ADCY5: variants seen among roughly 807,000 people sequenced by gnomAD.
ADCY5 encodes the protein adenylate cyclase 5.
A neutral mutation model predicts 119.7 loss-of-function variants in ADCY5; 30 were observed. That is an observed-to-expected ratio of 0.25 (90% CI 0.19 to 0.34). The LOEUF (loss-of-function observed/expected upper bound fraction) is 0.34. Among genes scored for constraint, ADCY5 ranks in the 10% least tolerant of loss-of-function variants. ADCY5 has a pLI of 1.00. For synonymous variants in ADCY5, 753 were observed against 762.2 expected, an observed-to-expected ratio of 0.99 and a Z score of 0.20; for missense variants, 1,324 against 1,775.2, an observed-to-expected ratio of 0.75 and a Z score of 4.57.
chr3:123,367,583 A>G (rs932496943), intron 1 of ADCY5, among the ~76,000 whole-genome samples: 3 of 152,052 alleles, frequency 2.0e-5, no homozygotes, highest in Non-Finnish European at 4.4e-5. Context: ...GCAAACCTTC[A>G]TTGTTTCCTG....
chr3:123,357,791 T>C (rs573023510), intron 1 of ADCY5, among the ~76,000 whole-genome samples: 3 of 152,332 alleles, frequency 2.0e-5, no homozygotes, highest in Admixed American at 2.0e-4. Flanking sequence ...CCTGTGCAGA[T>C]GCTCCGCTTA....
intron 17 of ADCY5, among the ~76,000 whole-genome samples, chr3:123,292,176 T>C (rs1395402869): frequency 6.6e-6 from 1 of 152,222 alleles, no homozygotes; most frequent in Non-Finnish European, 1.5e-5. Flanking sequence ...GAGAAAAATC[T>C]GGCTGGCCCA....
intron 1 of ADCY5, among the ~76,000 whole-genome samples, chr3:123,358,155 C>CGTGTGTGTGTGTGTGTGTGTGTGT (rs6148049): frequency 2.8e-4 from 40 of 140,860 alleles, no homozygotes; most frequent in Non-Finnish European, 4.4e-4. Context: ...ACATGGAACA[C>CGTGTGTGTGTGTGTGTGTGTGTGT]GTGTGTGTGT....
chr3:123,431,215 G>A (rs190498721), intron 1 of ADCY5, among the ~76,000 whole-genome samples: 131 of 152,214 alleles, frequency 8.6e-4, no homozygotes, highest in African/African-American at 2.7e-3. Flanking sequence ...AGTTTACAGC[G>A]GAGTCAAAGA....
At chr3:123,367,376 C>T (rs745423690) in intron 1 of ADCY5, among the ~76,000 whole-genome samples, 1 of 152,206 alleles carries the variant, frequency 6.6e-6, no homozygotes, top group Non-Finnish European at 1.5e-5. Context: ...AACTGCTTCT[C>T]CTGCAGTTCT....
At chr3:123,292,829 A>C (rs1038930328) in intron 17 of ADCY5, among the ~76,000 whole-genome samples, 2 of 152,164 alleles carry the variant, frequency 1.3e-5, no homozygotes, top group Non-Finnish European at 2.9e-5. Flanking sequence ...TCCTGCTCCT[A>C]CCTCTGCTGA....
rs1559882942 is a variant in ADCY5 at position 123,447,937 on chromosome 3, C to CAGCACCGCGCCG, written c.597_608dup (p.Gly200_Leu203dup). Reference sequence around the variant, plus strand: ...ACGCCAGGCAGCAGGCGCCCAGGGACAGCACCGCGCCGGGCCCCGCGCCCG... The same window carrying CAGCACCGCGCCG: ...ACGCCAGGCAGCAGGCGCCCAGGGACAGCACCGCGCCGAGCACCGCGCCGGGCCCCGCGCCCG... On this transcript the variant is annotated inframe_insertion, in exon 1 of 21. Coordinates refer to ENST00000462833, the MANE Select transcript of ADCY5 (RefSeq NM_183357.3). The CAGCACCGCGCCG allele has an allele frequency of 2.5e-6, 4 of 1,578,348 alleles. No individual in the cohort carries two copies. Among genetic ancestry groups the CAGCACCGCGCCG allele is most frequent in the Non-Finnish European group, 1.7e-6 (2 of 1,160,828 alleles).
At chr3:123,317,507 G>A (rs1035507977) in intron 11 of ADCY5, among the ~76,000 whole-genome samples, 10 of 152,060 alleles carry the variant, frequency 6.6e-5, no homozygotes, top group African/African-American at 2.4e-4. Context: ...GGCCAAGGCG[G>A]GTGGATTGCC....
intron 3 of ADCY5, among the ~76,000 whole-genome samples, chr3:123,336,639 C>G (rs1343695023): frequency 6.6e-6 from 1 of 152,118 alleles, no homozygotes; most frequent in Non-Finnish European, 1.5e-5. Flanking sequence ...GAGGGTGGGG[C>G]GCCCCAGACA....
At chr3:123,419,579 C>G (rs1945258181) in intron 1 of ADCY5, among the ~76,000 whole-genome samples, 1 of 152,164 alleles carries the variant, frequency 6.6e-6, no homozygotes, top group South Asian at 2.1e-4. Flanking sequence ...CATGTGAGGG[C>G]AACCATGATG....
At position 123,407,449 on chromosome 3, in the gene ADCY5, C is replaced by A. The variant is rs544394378; in HGVS notation, c.1134+39963G>T. ...TGATTCATACTACAATGTGGATGAA[C>A]CTGAAAAATATTTTGCAAATGCCAG... On this transcript the variant is annotated intron_variant, in intron 1 of 20. Coordinates refer to ENST00000462833, the MANE Select transcript of ADCY5 (RefSeq NM_183357.3). 9.9e-5 allele frequency among the ~76,000 whole-genome samples: 15 copies of A among 152,000 alleles called. No individual in the cohort carries two copies. In the South Asian group the frequency reaches 3.1e-3, roughly 32 times the overall value.
intron 1 of ADCY5, among the ~76,000 whole-genome samples, chr3:123,355,581 G>A (rs1002004524): frequency 6.6e-6 from 1 of 151,906 alleles, no homozygotes; most frequent in Admixed American, 6.6e-5. Context: ...TGAATACAGA[G>A]GGCTGAGTGC....
chr3:123,410,650 C>CT lies in ADCY5; in HGVS notation c.1134+36761dup, dbSNP rs1037059371. Among the ~76,000 whole-genome samples, 100 of 149,498 alleles carry CT rather than the reference C, an allele frequency of 6.7e-4. 1 individual carries two copies. In the East Asian group the frequency reaches 9.0e-3, roughly 13 times the overall value. ...TAGATTAATCACCATCACATCCATT[C>CT]TTTTTTTTTTGGAGGTAGAATCTCA... is the stretch of plus-strand genomic sequence containing the variant. On this transcript the variant is annotated intron_variant, in intron 1 of 20. Transcript: ENST00000462833.
At chr3:123,379,661 T>C (rs187586508) in intron 1 of ADCY5, among the ~76,000 whole-genome samples, 1 of 150,476 alleles carries the variant, frequency 6.6e-6, no homozygotes, top group Non-Finnish European at 1.5e-5. Flanking sequence ...AGAGGCTCTG[T>C]GACTGCACAG....
chr3:123,361,165 G>A (rs56679230), intron 1 of ADCY5, among the ~76,000 whole-genome samples: 3,989 of 152,178 alleles, frequency 0.026, 179 homozygotes, highest in African/African-American at 0.087. Flanking sequence ...GTCACATAAA[G>A]TACTGCTGAT....
At chr3:123,337,275 G>C (rs969124335) in intron 3 of ADCY5, among the ~76,000 whole-genome samples, 3 of 152,186 alleles carry the variant, frequency 2.0e-5, no homozygotes, top group East Asian at 1.9e-4. Context: ...TAGGAAACAA[G>C]CAGCTGAATG....
chr3:123,331,579 C>A (rs1183491319), intron 4 of ADCY5, among the ~76,000 whole-genome samples: 4 of 152,174 alleles, frequency 2.6e-5, no homozygotes, highest in Non-Finnish European at 5.9e-5. Context: ...CACATGAGTG[C>A]CAAGAATCCA....
chr3:123,430,104 G>A (rs1945493296), intron 1 of ADCY5, among the ~76,000 whole-genome samples: 1 of 152,156 alleles, frequency 6.6e-6, no homozygotes, highest in African/African-American at 2.4e-5. Flanking sequence ...CCCTCTTCCT[G>A]CTCCACAAAG....
rs187596867 is a variant in ADCY5, at chr3:123,286,360, G to T, written c.3657+325C>A. On this transcript the variant is annotated intron_variant, in intron 20 of 20. Coordinates refer to ENST00000462833, the MANE Select transcript of ADCY5 (RefSeq NM_183357.3). The surrounding 1 kb of genome is among the most constrained non-coding windows in gnomAD (Gnocchi z 4.2). Reference sequence around the variant, plus strand: ...GCAGACATCTTTGCATCCTCTCTGTGTGCCTGGGCTAGGAGGCACTGGGGC... The same window carrying T: ...GCAGACATCTTTGCATCCTCTCTGTTTGCCTGGGCTAGGAGGCACTGGGGC... Among the ~76,000 whole-genome samples the T allele has an allele frequency of 5.3e-5, 8 of 152,154 alleles. No homozygotes were observed. Among genetic ancestry groups the T allele is most frequent in the Non-Finnish European group, 1.2e-4 (8 of 68,010 alleles).
Sources: gnomAD v4.1 joint callset for allele counts (sites outside exome capture counted in the v4.1 genomes callset) on GRCh38, gnomAD v4.1.1 for gene constraint, Gnocchi (gnomAD v3.1) non-coding constraint, MANE v1.5 for transcripts, NCBI Gene and HGNC (gene_info 2026-07-23, HGNC 2026-07-21) for gene names.